The following BID variants were observed in gnomAD, a reference collection of about 807,000 sequenced individuals.
BID encodes BH3 interacting domain death agonist, also known as BH3-interacting domain death agonist.
A neutral mutation model predicts 17.4 loss-of-function variants in BID; 19 were observed. That is an observed-to-expected ratio of 1.09 (90% CI 0.76 to 1.60). BID has a LOEUF of 1.60. BID is among the 40% of genes most tolerant of loss of function. BID has a pLI of 0.00. For missense variants in BID, 226 were observed against 256.0 expected, an observed-to-expected ratio of 0.88 and a Z score of 0.80; for synonymous variants, 108 against 102.8, an observed-to-expected ratio of 1.05 and a Z score of -0.31.
rs917350803 is a variant in BID at position 17,769,258 on chromosome 22, G to A, written c.-59+5123C>T. ...CTCCTATGGAGGGGCTGATGACCCA[G>A]GAGCGGCTGGCTGCTGGTGTGAGTA... On this transcript the variant is annotated intron_variant, in intron 1 of 5. Transcript: ENST00000622694. The surrounding 1 kb of genome is among the most constrained non-coding windows in gnomAD (Gnocchi z 4.8). Among the ~76,000 whole-genome samples, 1 of 152,198 alleles carries A rather than the reference G, an allele frequency of 6.6e-6. No individual in the cohort carries two copies. Among genetic ancestry groups the A allele is most frequent in the African/African-American group, 2.4e-5 (1 of 41,438 alleles).
At chr22:17,753,459 G>A (rs1601857148) in intron 1 of BID, among the ~76,000 whole-genome samples, 1 of 152,224 alleles carries the variant, frequency 6.6e-6, no homozygotes, top group Non-Finnish European at 1.5e-5. Flanking sequence ...GTCTTGGAGG[G>A]CTTTAGGAGC....
intron 1 of BID, among the ~76,000 whole-genome samples, chr22:17,758,584 C>A (rs1203037506): frequency 6.6e-6 from 1 of 152,184 alleles, no homozygotes; most frequent in Non-Finnish European, 1.5e-5. Flanking sequence ...GGGTGACATA[C>A]AATTGACACA....
chr22:17,743,496 T>C (rs1210987691), intron 3 of BID, among the ~76,000 whole-genome samples: 1 of 152,074 alleles, frequency 6.6e-6, no homozygotes, highest in Non-Finnish European at 1.5e-5. Flanking sequence ...ATTTGGAAAA[T>C]TGGATAAAAA....
At chr22:17,759,007 C>T (rs541269079) in intron 1 of BID, among the ~76,000 whole-genome samples, 3 of 151,974 alleles carry the variant, frequency 2.0e-5, no homozygotes, top group South Asian at 2.1e-4. Flanking sequence ...ACGAGGTGGG[C>T]GGATCACAAG....
intron 1 of BID, among the ~76,000 whole-genome samples, chr22:17,759,477 A>T (rs1601869139): frequency 6.7e-6 from 1 of 148,752 alleles, no homozygotes; most frequent in African/African-American, 2.5e-5. Context: ...GCTTAAACCC[A>T]GGAGGCGGAG....
chr22:17,744,669 G>T (rs998787243), intron 2 of BID, among the ~76,000 whole-genome samples: 2 of 152,172 alleles, frequency 1.3e-5, no homozygotes, highest in Admixed American at 6.5e-5. Flanking sequence ...GCTCTTGGCC[G>T]GCAGCTCTCC....
intron 2 of BID, among the ~76,000 whole-genome samples, chr22:17,744,597 T>A (rs1273153194): frequency 6.6e-6 from 1 of 152,200 alleles, no homozygotes; most frequent in Non-Finnish European, 1.5e-5. Flanking sequence ...GGTGGGTGTG[T>A]CCTTAATCCG....
intron 1 of BID, among the ~76,000 whole-genome samples, chr22:17,759,246 C>CAAAAAAAAAAAAACA (rs1555906735): frequency 1.6e-4 from 18 of 114,804 alleles, no homozygotes; most frequent in African/African-American, 3.5e-4. Flanking sequence ...AAAAACAAAA[C>CAAAAAAAAAAAAACA]AAAAAAAAAA....
Position 17,773,645 on chromosome 22 carries a change from C to T in BID, c.-59+736G>A, listed in dbSNP as rs2061737410. ...CTGTGCTCCTCCAGCCGGCCCGGCCCCTCGCTGCCCACCGAGCCATCATGA... is the reference window on the plus strand; with the variant it reads ...CTGTGCTCCTCCAGCCGGCCCGGCCTCTCGCTGCCCACCGAGCCATCATGA... On this transcript the variant is annotated intron_variant, in intron 1 of 5. Transcript: ENST00000622694. The surrounding 1 kb of genome is among the most constrained non-coding windows in gnomAD (Gnocchi z 4.4). The T allele has an allele frequency of 6.2e-7, 1 of 1,612,098 alleles. No homozygotes were observed. Among genetic ancestry groups the T allele is most frequent in the Non-Finnish European group, 8.5e-7 (1 of 1,179,984 alleles).
chr22:17,750,427 G>A (rs1023573692), intron 1 of BID, among the ~76,000 whole-genome samples: 21 of 152,364 alleles, frequency 1.4e-4, no homozygotes, highest in African/African-American at 4.1e-4. Context: ...TGCCGCCCCA[G>A]GAAGACCTCA....
chr22:17,756,471 CTTTCT>C (rs1569047850), intron 1 of BID, among the ~76,000 whole-genome samples: 1,113 of 102,154 alleles, frequency 0.011, 12 homozygotes, highest in African/African-American at 0.036. Flanking sequence ...TTCTTTCTTT[CTTTCT>C]TTTCTTTCTT....
chr22:17,754,701 A>G (rs971374578), intron 1 of BID, among the ~76,000 whole-genome samples: 3 of 152,210 alleles, frequency 2.0e-5, no homozygotes, highest in Non-Finnish European at 4.4e-5. Flanking sequence ...CTGTCTTCCT[A>G]GTCCCACTCA....
intron 1 of BID, among the ~76,000 whole-genome samples, chr22:17,759,077 A>G (rs1249642204): frequency 6.6e-6 from 1 of 151,884 alleles, no homozygotes; most frequent in Non-Finnish European, 1.5e-5. Flanking sequence ...CTAAAAATAC[A>G]AAAATTAGCT....
chr22:17,761,185 G>A (rs111415187), intron 1 of BID, among the ~76,000 whole-genome samples: 103 of 152,242 alleles, frequency 6.8e-4, no homozygotes, highest in African/African-American at 2.5e-3. Flanking sequence ...AGAGTCTCAG[G>A]GACAGTTTTA....
At chr22:17,753,454 G>A (rs2061556882) in intron 1 of BID, among the ~76,000 whole-genome samples, 1 of 152,188 alleles carries the variant, frequency 6.6e-6, no homozygotes, top group African/African-American at 2.4e-5. Context: ...CAACGGTCTT[G>A]GAGGGCTTTA....
intron 1 of BID, among the ~76,000 whole-genome samples, chr22:17,752,998 G>A (rs1334857775): frequency 2.2e-5 from 2 of 90,012 alleles, no homozygotes; most frequent in East Asian, 4.0e-4. Flanking sequence ...ATGGAGTCTC[G>A]CTCTGTCACC....
At chr22:17,757,870 C>G (rs576241774) in intron 1 of BID, among the ~76,000 whole-genome samples, 185 of 152,298 alleles carry the variant, frequency 1.2e-3, no homozygotes, top group African/African-American at 4.3e-3. Context: ...GGGAGAGGCT[C>G]CAAGGAAAGC....
chr22:17,739,874 TG>T, intron 3 of BID: 1 of 627,484 alleles, frequency 1.6e-6, no homozygotes, highest in Non-Finnish European at 2.8e-6. Flanking sequence ...AGGGGCTCTG[TG>T]GGCAGACGGC....
Position 17,739,391 on chromosome 22 carries a change from G to A in BID, c.321C>T (p.Asn107=), listed in dbSNP as rs371482497. The change falls in exon 4 of 6, where the codon AAC becomes AAT. Residue 107 remains asparagine, a synonymous_variant. Coordinates refer to ENST00000622694, the MANE Select transcript of BID (RefSeq NM_001196.4). ...TGTTCCTGAGCTGCAGGGCCAGGCC[G>A]TTCACCAGGCCCGGAGGGATGCTAC... The part of the protein sequence containing the change: ...MDRSIPPGLV[N]GLALQLRNTS... 22 of 1,607,590 alleles carry A rather than the reference G, an allele frequency of 1.4e-5. No homozygotes were observed. Among genetic ancestry groups the A allele is most frequent in the African/African-American group, 6.7e-5 (5 of 74,926 alleles).
Sources: allele counts gnomAD v4.1 joint callset (sites outside exome capture counted in the v4.1 genomes callset), GRCh38; gene constraint gnomAD v4.1.1; non-coding constraint Gnocchi (gnomAD v3.1); transcripts MANE v1.5; gene names NCBI Gene and HGNC (gene_info 2026-07-23, HGNC 2026-07-21).